Variants in EPHA3 observed in about 807,000 individuals in gnomAD.
EPHA3 encodes the protein ephrin type-A receptor 3.
Under a neutral mutation model 107.1 loss-of-function variants are expected in EPHA3, and 42 were observed. That is an observed-to-expected ratio of 0.39 (90% CI 0.31 to 0.51). EPHA3 has a LOEUF of 0.51. EPHA3 is among the 20% of genes least tolerant of loss of function. The probability of loss-of-function intolerance (pLI) is 0.78; values close to 1 mark genes in which losing one functional copy is unlikely to be tolerated. For missense variants in EPHA3, 1,183 were observed against 1,211.2 expected, an observed-to-expected ratio of 0.98 and a Z score of 0.35; for synonymous variants, 461 against 424.8, an observed-to-expected ratio of 1.09 and a Z score of -1.05.
chr3:89,425,860 C>T (rs1234929984), intron 11 of EPHA3, among the ~76,000 whole-genome samples: 2 of 151,406 alleles, frequency 1.3e-5, no homozygotes, highest in Non-Finnish European at 3.0e-5. Context: ...TGTCATCAAG[C>T]GGCGATTCAA....
intron 5 of EPHA3, among the ~76,000 whole-genome samples, chr3:89,377,089 C>G (rs1344227629): frequency 6.6e-6 from 1 of 151,896 alleles, no homozygotes; most frequent in South Asian, 2.1e-4. Flanking sequence ...GGAATATGAT[C>G]TTTTTTAGTT....
chr3:89,333,178 T>G (rs1401010930), intron 3 of EPHA3, among the ~76,000 whole-genome samples: 2 of 152,218 alleles, frequency 1.3e-5, no homozygotes, highest in African/African-American at 4.8e-5. Flanking sequence ...GTATAGGTAG[T>G]GCTCATAATA....
At chr3:89,273,038 G>A (rs952543397) in intron 3 of EPHA3, among the ~76,000 whole-genome samples, 1 of 151,910 alleles carries the variant, frequency 6.6e-6, no homozygotes, top group African/African-American at 2.4e-5. Flanking sequence ...ATCTAAGCAA[G>A]TAGCTTGTAG....
At chr3:89,431,020 T>A (rs1709556219) in intron 12 of EPHA3, 130 bp from the exon 13 acceptor site, 2 of 833,662 alleles carry the variant, frequency 2.4e-6, no homozygotes, top group East Asian at 5.4e-5. Flanking sequence ...ATCTTTGTCT[T>A]GAGTGCTTAG....
intron 13 of EPHA3, among the ~76,000 whole-genome samples, chr3:89,441,143 C>T (rs1462495730): frequency 7.2e-5 from 11 of 152,130 alleles, no homozygotes; most frequent in Admixed American, 4.6e-4. Flanking sequence ...GGCCAGAAAC[C>T]AAGACTCCTG....
chr3:89,263,780 G>A (rs1268928090), intron 3 of EPHA3, among the ~76,000 whole-genome samples: 2 of 152,098 alleles, frequency 1.3e-5, no homozygotes, highest in Non-Finnish European at 2.9e-5. Flanking sequence ...GGAAAACAGG[G>A]ATAGAAGTTC....
At chr3:89,439,066 C>G (rs183964088) in intron 13 of EPHA3, among the ~76,000 whole-genome samples, 109 of 152,236 alleles carry the variant, frequency 7.2e-4, no homozygotes, top group Non-Finnish European at 1.2e-3. Context: ...GTAGAGAATG[C>G]AATTTTATAT....
intron 8 of EPHA3, 80 bp downstream of exon 8, chr3:89,407,451 G>T: frequency 8.9e-7 from 1 of 1,121,688 alleles, no homozygotes; most frequent in South Asian, 1.3e-5. Context: ...AATGTGAAGA[G>T]TGTGCTCAAT....
At chr3:89,393,652 G>T (rs1288965195) in intron 5 of EPHA3, among the ~76,000 whole-genome samples, 1 of 152,136 alleles carries the variant, frequency 6.6e-6, no homozygotes, top group East Asian at 1.9e-4. Context: ...TACTTCAGCA[G>T]AAAAATTAGT....
At chr3:89,231,020 A>G (rs963482279) in intron 3 of EPHA3, among the ~76,000 whole-genome samples, 1 of 152,146 alleles carries the variant, frequency 6.6e-6, no homozygotes, top group African/African-American at 2.4e-5. Context: ...TAAAAGCAAT[A>G]TATTAATCAC....
intron 3 of EPHA3, among the ~76,000 whole-genome samples, chr3:89,261,623 A>G (rs1705418924): frequency 6.6e-6 from 1 of 152,090 alleles, no homozygotes. Flanking sequence ...ATCTTAAATA[A>G]ATGGATATTT....
At chr3:89,234,887 C>A (rs1252189680) in intron 3 of EPHA3, among the ~76,000 whole-genome samples, 18 of 141,724 alleles carry the variant, frequency 1.3e-4, no homozygotes, top group Admixed American at 6.0e-4. Context: ...TCCTGCCTTC[C>A]TCCCTTCTTT....
chr3:89,450,870 C>A (rs1188989909), intron 15 of EPHA3, among the ~76,000 whole-genome samples: 1 of 152,168 alleles, frequency 6.6e-6, no homozygotes, highest in African/African-American at 2.4e-5. Flanking sequence ...CATGCCACTG[C>A]ACTCCAGCCT....
intron 3 of EPHA3, among the ~76,000 whole-genome samples, chr3:89,299,375 T>C (rs1512911): frequency 0.5 from 75,326 of 151,698 alleles, 19,658 homozygotes; most frequent in African/African-American, 0.66. Flanking sequence ...AATGAGAATA[T>C]GGGAAATTTT....
chr3:89,156,428 T>C (rs951654300), intron 2 of EPHA3, among the ~76,000 whole-genome samples: 1 of 152,068 alleles, frequency 6.6e-6, no homozygotes, highest in Non-Finnish European at 1.5e-5. Flanking sequence ...CTGCAATAAA[T>C]TGTTTATTTT....
chr3:89,121,693 G>C lies in EPHA3; in HGVS notation c.89-5516G>C, dbSNP rs372879005. Among the ~76,000 whole-genome samples the C allele has an allele frequency of 3.4e-4, 51 of 151,668 alleles. No individual in the cohort carries two copies. The Middle Eastern group carries it at 0.01, about 31-fold the overall frequency. ...AATTGCTTGAATCCAGGAGGCAGAG[G>C]TTGCAGTGAGCCAAGTTTGTGCCAC... On this transcript the variant is annotated intron_variant, in intron 1 of 16. Transcript: ENST00000336596.
At chr3:89,351,325 T>G (rs866519568) in intron 5 of EPHA3, among the ~76,000 whole-genome samples, 1 of 151,334 alleles carries the variant, frequency 6.6e-6, no homozygotes, top group African/African-American at 2.4e-5. Flanking sequence ...CGTGGTGCGC[T>G]GTTTTTTAAG....
At chr3:89,195,955 T>G (rs1172296172) in intron 2 of EPHA3, among the ~76,000 whole-genome samples, 2 of 152,124 alleles carry the variant, frequency 1.3e-5, no homozygotes, top group East Asian at 1.9e-4. Flanking sequence ...CCAGAGTGAT[T>G]CTAGGAAAAA....
At chr3:89,297,387 T>G (rs1348109618) in intron 3 of EPHA3, among the ~76,000 whole-genome samples, 1 of 152,134 alleles carries the variant, frequency 6.6e-6, no homozygotes, top group Non-Finnish European at 1.5e-5. Context: ...ATAATGTGTC[T>G]CAGGGGATAG....
Sources: allele counts gnomAD v4.1 joint callset (sites outside exome capture counted in the v4.1 genomes callset), GRCh38; gene constraint gnomAD v4.1.1; transcripts MANE v1.5; gene names NCBI Gene and HGNC (gene_info 2026-07-23, HGNC 2026-07-21).